Variants in NOX4 observed in about 807,000 individuals in gnomAD.
NOX4 encodes NADPH oxidase 4.
In NOX4, 69 loss-of-function variants were observed where a neutral mutation model predicts 87.6. The observed-to-expected ratio is 0.79, with a 90% confidence interval of 0.65 to 0.96. The LOEUF is 0.96. Among genes scored for constraint, NOX4 ranks in the 40% least tolerant of loss-of-function variants. The probability of loss-of-function intolerance (pLI) is 0.00; values close to 1 mark genes in which losing one functional copy is unlikely to be tolerated. For missense variants in NOX4, 680 were observed against 681.5 expected (o/e 1.00, Z 0.02); for synonymous variants, 275 against 238.2 (o/e 1.15, Z -1.42).
chr11:89,419,350 T>A (rs1337551249), intron 8 of NOX4, among the ~76,000 whole-genome samples: 2 of 152,074 alleles, frequency 1.3e-5, no homozygotes, highest in African/African-American at 2.4e-5. Flanking sequence ...ATTTCAGAAG[T>A]TAAAATATGT....
intron 2 of NOX4, among the ~76,000 whole-genome samples, chr11:89,478,147 A>T (rs1946244557): frequency 1.3e-5 from 2 of 152,172 alleles, no homozygotes; most frequent in African/African-American, 4.8e-5. Flanking sequence ...TCTTACACTC[A>T]TTTCTTCCTC....
chr11:89,554,374 A>G, the NOX4 span, among the ~76,000 whole-genome samples: 1 of 152,136 alleles, frequency 6.6e-6, no homozygotes, highest in African/African-American at 2.4e-5. Flanking sequence ...AAATTCATTG[A>G]TAAACCAATA....
chr11:89,466,018 T>C (rs547587678), intron 2 of NOX4, among the ~76,000 whole-genome samples: 5 of 152,200 alleles, frequency 3.3e-5, no homozygotes, highest in African/African-American at 1.2e-4. Context: ...GACACCAGAA[T>C]ACCTCCTCTC....
At chr11:89,506,150 A>C in the NOX4 span, among the ~76,000 whole-genome samples, 1 of 151,856 alleles carries the variant, frequency 6.6e-6, no homozygotes, top group Admixed American at 6.6e-5. Flanking sequence ...ATGTCAATTC[A>C]GTGGAGAAAC....
chr11:89,434,242 A>G (rs1173378802), intron 6 of NOX4, among the ~76,000 whole-genome samples: 1 of 152,102 alleles, frequency 6.6e-6, no homozygotes, highest in Non-Finnish European at 1.5e-5. Context: ...AAATCTCAGT[A>G]CAGTAGAAAC....
At chr11:89,461,274 G>T (rs536368820) in intron 2 of NOX4, among the ~76,000 whole-genome samples, 1 of 151,770 alleles carries the variant, frequency 6.6e-6, no homozygotes, top group East Asian at 1.9e-4. Context: ...AAACCTGCAC[G>T]TTGTGTACAT....
chr11:89,477,775 G>A lies in NOX4; in HGVS notation c.153+12683C>T, dbSNP rs201707534. On this transcript the variant is annotated intron_variant, in intron 2 of 17. Coordinates refer to ENST00000263317, the MANE Select transcript of NOX4 (RefSeq NM_016931.5). ...TATATCAATTTATGAGCTGCTTGAC[G>A]AAGGTTTTATAAAGGCCAAGAATTT... 2.0e-4 allele frequency among the ~76,000 whole-genome samples: 12 copies of A among 59,722 alleles called. No individual in the cohort carries two copies. The African/African-American group carries it at 2.4e-3, about 12-fold the overall frequency. The allele number at this position is 59,722 out of a possible 152,430, so 39.2% of individuals were successfully genotyped here.
the NOX4 span, among the ~76,000 whole-genome samples, chr11:89,510,819 T>C: frequency 1.3e-5 from 2 of 152,090 alleles, no homozygotes; most frequent in East Asian, 1.9e-4. Context: ...TTGCTTAATT[T>C]ATAAAATTAC....
chr11:89,487,666 G>T (rs1946684774), intron 2 of NOX4, among the ~76,000 whole-genome samples: 1 of 152,136 alleles, frequency 6.6e-6, no homozygotes, highest in Non-Finnish European at 1.5e-5. Flanking sequence ...AATCCCACAT[G>T]CGTATACCAG....
At chr11:89,430,004 A>C (rs898630453) in intron 7 of NOX4, among the ~76,000 whole-genome samples, 10 of 152,130 alleles carry the variant, frequency 6.6e-5, no homozygotes, top group African/African-American at 1.9e-4. Flanking sequence ...AGCTTATCCA[A>C]CATGATGAAG....
rs977220422 is a variant in NOX4 at position 89,399,446 on chromosome 11, T to C, written c.1074+571A>G. On this transcript the variant is annotated intron_variant, in intron 11 of 17. Transcript: ENST00000263317. ...TCAAGAAATTAAATATATATATATA[T>C]ATATATATATATATATATATATATA... Among the ~76,000 whole-genome samples, 50 of 133,706 alleles carry C rather than the reference T, an allele frequency of 3.7e-4. 1 individual carries two copies. Among genetic ancestry groups the C allele is most frequent in the Non-Finnish European group, 6.6e-4 (41 of 62,068 alleles). The allele number at this position is 133,706 out of a possible 152,430, so 87.7% of individuals were successfully genotyped here. A position where few individuals can be genotyped will look rare whatever the true frequency, so the allele number is the denominator to read the frequency against.
rs1439155626 is a variant in NOX4, at chr11:89,326,434, T to C, written c.*322A>G. On this transcript the variant is annotated 3_prime_UTR_variant, in exon 18 of 18. Coordinates refer to ENST00000263317, the MANE Select transcript of NOX4 (RefSeq NM_016931.5). ...GAGGAACACGACAATCAGCCTTAGATTGAGCAAGTTCAGCTCCTCACTAGG... is the reference window on the plus strand; with the variant it reads ...GAGGAACACGACAATCAGCCTTAGACTGAGCAAGTTCAGCTCCTCACTAGG... The C allele has an allele frequency of 1.1e-5, 2 of 179,990 alleles. No homozygotes were observed. The highest frequency in any genetic ancestry group is 1.5e-4 in the East Asian group (1 of 6,636). The allele number at this position is 179,990 out of a possible 1,614,324, so 11.1% of individuals were successfully genotyped here.
At chr11:89,346,586 A>G (rs1201120910) in intron 13 of NOX4, among the ~76,000 whole-genome samples, 1 of 49,644 alleles carries the variant, frequency 2.0e-5, no homozygotes, top group Non-Finnish European at 3.4e-5. Flanking sequence ...AGAAAGATGG[A>G]GAATTACCTG....
At chr11:89,482,158 C>T (rs909900397) in intron 2 of NOX4, among the ~76,000 whole-genome samples, 1 of 151,954 alleles carries the variant, frequency 6.6e-6, no homozygotes, top group African/African-American at 2.4e-5. Context: ...GCTCGACAAA[C>T]CTCTAAGGAG....
intron 12 of NOX4, 90 bp from the exon 13 acceptor site, chr11:89,355,133 T>A: frequency 1.0e-6 from 1 of 971,318 alleles, no homozygotes; most frequent in Non-Finnish European, 1.6e-6. Flanking sequence ...TGGTTTATTT[T>A]GTTAGACATT....
chr11:89,366,177 C>A (rs1271643820), intron 12 of NOX4, among the ~76,000 whole-genome samples: 1 of 151,884 alleles, frequency 6.6e-6, no homozygotes, highest in Non-Finnish European at 1.5e-5. Context: ...ATTATGTTAC[C>A]AAGAAAATCC....
chr11:89,521,496 C>T, the NOX4 span, among the ~76,000 whole-genome samples: 6 of 151,974 alleles, frequency 3.9e-5, no homozygotes, highest in East Asian at 1.9e-4. Flanking sequence ...AGAATGAAAC[C>T]GGGTCCCCAC....
intron 2 of NOX4, among the ~76,000 whole-genome samples, chr11:89,474,320 C>G (rs1200952121): frequency 1.3e-5 from 2 of 151,416 alleles, no homozygotes; most frequent in African/African-American, 4.8e-5. Flanking sequence ...TTTTTTTTCT[C>G]TAAAAACTAA....
intron 11 of NOX4, among the ~76,000 whole-genome samples, chr11:89,395,510 A>G (rs1258607537): frequency 6.6e-6 from 1 of 152,168 alleles, no homozygotes; most frequent in African/African-American, 2.4e-5. Context: ...TAGTTTAATT[A>G]GATCCCATTT....
Sources: allele counts gnomAD v4.1 joint callset (sites outside exome capture counted in the v4.1 genomes callset), GRCh38; gene constraint gnomAD v4.1.1; transcripts MANE v1.5; gene names NCBI Gene and HGNC (gene_info 2026-07-23, HGNC 2026-07-21).